The following PRKRA variants were observed in gnomAD, a reference collection of about 807,000 sequenced individuals.
The protein encoded by PRKRA is interferon-inducible double-stranded RNA-dependent protein kinase activator A.
Under a neutral mutation model 32.4 loss-of-function variants are expected in PRKRA, and 22 were observed. The ratio of observed to expected loss-of-function variants is 0.68; its 90% CI spans 0.49 to 0.97. The LOEUF is 0.97. PRKRA is among the 50% of genes least tolerant of loss of function. The pLI is 0.00. For missense variants in PRKRA, 319 were observed against 375.6 expected, an observed-to-expected ratio of 0.85 and a Z score of 1.25; for synonymous variants, 139 against 129.8, an observed-to-expected ratio of 1.07 and a Z score of -0.48.
At chr2:178,440,667 C>G (rs1352699998) in intron 6 of PRKRA, among the ~76,000 whole-genome samples, 1 of 152,204 alleles carries the variant, frequency 6.6e-6, no homozygotes, top group Non-Finnish European at 1.5e-5. Flanking sequence ...ACCCATCTCT[C>G]TCCATTTTCC....
At chr2:178,444,045 T>G (rs1303945605) in intron 4 of PRKRA, 2 of 186,170 alleles carry the variant, frequency 1.1e-5, no homozygotes, top group Admixed American at 1.1e-4. Context: ...AATAGACTCC[T>G]TTTCTTCAGT....
At chr2:178,444,615 A>G (rs1446231898) in intron 3 of PRKRA, 115 bp from the exon 4 acceptor site, 10 of 843,990 alleles carry the variant, frequency 1.2e-5, no homozygotes, top group African/African-American at 1.0e-4. Flanking sequence ...TTCCTTCTAC[A>G]TGGAATGCCC....
At chr2:178,439,991 C>G (rs1195792515) in intron 6 of PRKRA, 1 of 151,492 alleles carries the variant, frequency 6.6e-6, no homozygotes, top group Non-Finnish European at 1.5e-5. Flanking sequence ...GTTGAACTTG[C>G]TATTGTCAGG....
Position 178,443,311 on chromosome 2 carries a change from C to G in PRKRA, c.470G>C (p.Arg157Thr). 6.2e-7 allele frequency: 1 copy of G among 1,613,042 alleles called. No homozygotes were observed. Among genetic ancestry groups the G allele is most frequent in the East Asian group, 2.2e-5 (1 of 44,852 alleles). ...TAGCCTGCAAATTGTAGTATATTCT[C>G]TCTTATGAGCAGGTCCTCCCTCCTG... ...LSQEGGPAHK[R>T]EYTTICRLES... Residue 157 changes from arginine (R) to threonine (T), a missense_variant, in exon 5 of 8, where the codon AGA (arginine) becomes ACA (threonine). Arg to Thr is a moderately conservative substitution (Grantham distance 71). Transcript: ENST00000325748.
intron 3 of PRKRA, among the ~76,000 whole-genome samples, chr2:178,446,548 ATTCCCT>A: frequency 6.6e-6 from 1 of 152,152 alleles, no homozygotes; most frequent in Non-Finnish European, 1.5e-5. Context: ...CCCATCCCAA[ATTCCCT>A]GGGTCTCTAC....
At chr2:178,450,494 C>G (rs1697540798) in intron 1 of PRKRA, 83 bp from the exon 2 acceptor site, 6 of 1,374,680 alleles carry the variant, frequency 4.4e-6, no homozygotes, top group African/African-American at 1.6e-5. Context: ...TAACCGCCAC[C>G]GACGGTGACG....
chr2:178,442,301 C>T (rs1375453789), intron 5 of PRKRA, among the ~76,000 whole-genome samples: 1 of 152,040 alleles, frequency 6.6e-6, no homozygotes, highest in East Asian at 1.9e-4. Context: ...ATTACTGAAC[C>T]ATATTTGGTT....
At position 178,431,954 on chromosome 2, in the gene PRKRA, G is replaced by A. The variant is rs1575082075; in HGVS notation, c.*143C>T. The A allele has an allele frequency of 1.0e-6, 1 of 985,348 alleles. No individual in the cohort carries two copies. Among genetic ancestry groups the A allele is most frequent in the Non-Finnish European group, 1.5e-6 (1 of 652,358 alleles). 61.0% of individuals were successfully genotyped at this position (985,348 alleles called of 1,614,324 possible). On this transcript the variant is annotated 3_prime_UTR_variant, in exon 8 of 8. Transcript: ENST00000325748. The stretch of plus-strand genomic sequence containing the variant: ...AAGAGCTTAATAACAACTATGAGGA[G>A]ATAATTAAATCTGGAGTGTTGATGG...
chr2:178,450,499 G>A, intron 1 of PRKRA, 88 bp from the exon 2 acceptor site: 1 of 1,382,596 alleles, frequency 7.2e-7, no homozygotes, highest in Non-Finnish European at 9.7e-7. Flanking sequence ...GCCACCGACG[G>A]TGACGAGGGA....
intron 4 of PRKRA, 86 bp downstream of exon 4, chr2:178,444,336 T>C (rs1697234942): frequency 1.1e-6 from 1 of 900,490 alleles, no homozygotes; most frequent in African/African-American, 1.8e-5. Flanking sequence ...ATCTTGTCTT[T>C]AAAATATTAA....
In PRKRA at chr2:178,450,231, T is replaced by G; in HGVS notation, c.235+11A>C. Reference sequence around the variant, plus strand: ...CCCACTCGGTCATCCAGGTTAACTGTGTATACAGACCTGTGCAGGTTATGT... The same window carrying G: ...CCCACTCGGTCATCCAGGTTAACTGGGTATACAGACCTGTGCAGGTTATGT... On this transcript the variant is annotated intron_variant, in intron 2 of 7. Transcript: ENST00000325748. 1 of 1,614,246 alleles carries G rather than the reference T, an allele frequency of 6.2e-7. No homozygotes were observed. The highest frequency in any genetic ancestry group is 8.5e-7 in the Non-Finnish European group (1 of 1,180,034).
At position 178,431,910 on chromosome 2, in the gene PRKRA, C is replaced by G. The variant is rs189758246; in HGVS notation, c.*187G>C. 1.2e-4 allele frequency: 89 copies of G among 726,690 alleles called. No homozygotes were observed. The highest frequency in any genetic ancestry group is 4.8e-4 in the Admixed American group (19 of 39,668). The allele number at this position is 726,690 out of a possible 1,614,324, so 45.0% of individuals were successfully genotyped here. A position where few individuals can be genotyped will look rare whatever the true frequency, so the allele number is the denominator to read the frequency against. On this transcript the variant is annotated 3_prime_UTR_variant, in exon 8 of 8. Transcript: ENST00000325748. ...AGTTTATAAATACAGTATACTGATA[C>G]AAAGTTGAAGCCATTAAAAAGAGCT...
At chr2:178,439,872 T>C (rs1301489956) in intron 6 of PRKRA, 3 of 152,100 alleles carry the variant, frequency 2.0e-5, no homozygotes, top group African/African-American at 4.8e-5. Context: ...ATAGTCTTAG[T>C]TAAATAAACC....
At chr2:178,448,104 A>G (rs995621814) in intron 2 of PRKRA, among the ~76,000 whole-genome samples, 1 of 152,216 alleles carries the variant, frequency 6.6e-6, no homozygotes, top group African/African-American at 2.4e-5. Context: ...CTGAGCAGTC[A>G]TGATTATGTG....
chr2:178,432,850 A>G (rs901650871), intron 7 of PRKRA, among the ~76,000 whole-genome samples: 3 of 152,216 alleles, frequency 2.0e-5, no homozygotes, highest in South Asian at 2.1e-4. Flanking sequence ...GTCTGTGCAG[A>G]GTCTAGTTCT....
chr2:178,439,081 C>T (rs1364724062), intron 6 of PRKRA: 2 of 152,120 alleles, frequency 1.3e-5, no homozygotes, highest in East Asian at 3.9e-4. Context: ...CGTGGTCCTA[C>T]GCATTTCTTT....
rs1575087760 is a variant in PRKRA at position 178,436,083 on chromosome 2, G to A, written c.784+62C>T. 7 of 1,142,138 alleles carry A rather than the reference G, an allele frequency of 6.1e-6. No homozygotes were observed. In the East Asian group the frequency reaches 3.1e-4, roughly 50 times the overall value. The allele number at this position is 1,142,138 out of a possible 1,614,324, so 70.8% of individuals were successfully genotyped here. ...ATTTTTATTCCTCAAACACATTTTT[G>A]TTCCTCAAACACATTTTTAAATAAA... On this transcript the variant is annotated intron_variant, in intron 7 of 7. Transcript: ENST00000325748.
intron 3 of PRKRA, among the ~76,000 whole-genome samples, chr2:178,446,463 A>C (rs1697315753): frequency 6.6e-6 from 1 of 152,204 alleles, no homozygotes; most frequent in South Asian, 2.1e-4. Flanking sequence ...TGATTTACAA[A>C]AAGAGAGGAA....
chr2:178,439,770 C>T (rs896668726), intron 6 of PRKRA: 2 of 151,922 alleles, frequency 1.3e-5, no homozygotes, highest in Non-Finnish European at 2.9e-5. Context: ...TGAGTTTTAT[C>T]AAAATTTTTT....
Sources: gnomAD v4.1 joint callset for allele counts (sites outside exome capture counted in the v4.1 genomes callset) on GRCh38, gnomAD v4.1.1 for gene constraint, MANE v1.5 for transcripts, NCBI Gene and HGNC (gene_info 2026-07-23, HGNC 2026-07-21) for gene names.